CSMD1: variants seen among roughly 807,000 people sequenced by gnomAD.
CSMD1 encodes CUB and sushi domain-containing protein 1.
A neutral mutation model predicts 417.5 loss-of-function variants in CSMD1; 213 were observed. That is an observed-to-expected ratio of 0.51 (90% CI 0.46 to 0.57). The LOEUF (loss-of-function observed/expected upper bound fraction) is 0.57, where lower values mean the gene tolerates loss of function less well. CSMD1 is among the 20% of genes least tolerant of loss of function. The pLI is 0.00. For missense variants in CSMD1, 6,923 were observed against 4,529.7 expected (o/e 1.53, Z -15.17); for synonymous variants, 2,862 against 1,736.8 (o/e 1.65, Z -16.11).
intron 1 of CSMD1, among the ~76,000 whole-genome samples, chr8:4,730,507 G>A (rs547374104): frequency 2.6e-5 from 4 of 152,230 alleles, no homozygotes; most frequent in African/African-American, 4.8e-5. Context: ...TTGGGAGGCT[G>A]AGGCAGGCGG....
intron 3 of CSMD1, among the ~76,000 whole-genome samples, chr8:4,081,516 G>T (rs1800131898): frequency 1.3e-5 from 2 of 152,108 alleles, no homozygotes; most frequent in South Asian, 4.1e-4. Context: ...AGGAACTGGG[G>T]TCCCCCTACC....
chr8:4,232,556 C>T (rs1371130006), intron 3 of CSMD1, among the ~76,000 whole-genome samples: 1 of 152,176 alleles, frequency 6.6e-6, no homozygotes, highest in Admixed American at 6.6e-5. Flanking sequence ...GGCTTTTCTC[C>T]ACTCAAAAAT....
rs184677632 is a variant in CSMD1, at chr8:4,910,560, G to A, written c.85+83772C>T. ...GAATCTCTGAAGCTTTTTTATAGACGCTAATTCCATTCATGAAAGCTCCCT... is the reference window on the plus strand; with the variant it reads ...GAATCTCTGAAGCTTTTTTATAGACACTAATTCCATTCATGAAAGCTCCCT... On this transcript the variant is annotated intron_variant, in intron 1 of 69. Coordinates refer to ENST00000635120, the MANE Select transcript of CSMD1 (RefSeq NM_033225.6). 1.1e-3 allele frequency among the ~76,000 whole-genome samples: 164 copies of A among 152,150 alleles called. 2 individuals carry two copies. In the East Asian group the frequency reaches 0.012, roughly 11 times the overall value.
At chr8:3,457,691 G>T (rs946376754) in intron 12 of CSMD1, among the ~76,000 whole-genome samples, 1 of 152,160 alleles carries the variant, frequency 6.6e-6, no homozygotes, top group Admixed American at 6.6e-5. Flanking sequence ...AAAGACTCTT[G>T]TTGAGATCAT....
chr8:4,699,608 G>C (rs569406127), intron 1 of CSMD1, among the ~76,000 whole-genome samples: 4 of 152,188 alleles, frequency 2.6e-5, no homozygotes, highest in South Asian at 2.1e-4. Context: ...AGAGCTCTTG[G>C]CATTTATTTG....
chr8:4,282,300 AGG>A (rs1796829137), intron 3 of CSMD1, among the ~76,000 whole-genome samples: 1 of 152,210 alleles, frequency 6.6e-6, no homozygotes, highest in South Asian at 2.1e-4. Context: ...GATGAAGCTC[AGG>A]AACACTGGAG....
intron 3 of CSMD1, among the ~76,000 whole-genome samples, chr8:4,061,162 G>T (rs1488268452): frequency 6.6e-6 from 1 of 152,136 alleles, no homozygotes; most frequent in African/African-American, 2.4e-5. Flanking sequence ...TGCCCCTTAC[G>T]ATGGAAAATC....
rs187387000 is a variant in CSMD1 at position 3,203,230 on chromosome 8, A to G, written c.4985-1505T>C. 2.4e-3 allele frequency among the ~76,000 whole-genome samples: 369 copies of G among 152,324 alleles called. 1 individual carries two copies. The highest frequency in any genetic ancestry group is 3.1e-3 in the Non-Finnish European group (212 of 68,032). On this transcript the variant is annotated intron_variant, in intron 31 of 69. Coordinates refer to ENST00000635120, the MANE Select transcript of CSMD1 (RefSeq NM_033225.6). Reference sequence around the variant, plus strand: ...CAAGACAAACATGGATTTTGAGTACAAGATGTCAGGAGCCAGAATGCCCAG... The same window carrying G: ...CAAGACAAACATGGATTTTGAGTACGAGATGTCAGGAGCCAGAATGCCCAG...
intron 10 of CSMD1, among the ~76,000 whole-genome samples, chr8:3,532,116 T>C (rs1339275751): frequency 6.6e-6 from 1 of 152,204 alleles, no homozygotes; most frequent in Admixed American, 6.5e-5. Context: ...GGCAACATTT[T>C]TTTTCTGGGA....
intron 6 of CSMD1, among the ~76,000 whole-genome samples, chr8:3,735,217 A>T (rs1796470825): frequency 6.6e-6 from 1 of 152,156 alleles, no homozygotes; most frequent in Admixed American, 6.5e-5. Context: ...CTGGCTCCTT[A>T]ATGGCTTTCT....
At chr8:3,504,654 A>C (rs903107518) in intron 10 of CSMD1, among the ~76,000 whole-genome samples, 2 of 152,140 alleles carry the variant, frequency 1.3e-5, no homozygotes, top group Admixed American at 1.3e-4. Context: ...TTCTAACTCC[A>C]ATTTTATCTA....
chr8:4,912,122 C>CAAAAAAAAAAA (rs36194482), intron 1 of CSMD1, among the ~76,000 whole-genome samples: 2 of 84,576 alleles, frequency 2.4e-5, no homozygotes, highest in African/African-American at 4.0e-5. Flanking sequence ...AACATAGCTT[C>CAAAAAAAAAAA]AAAAAAAAAA....
At chr8:4,449,723 G>A (rs1042436980) in intron 2 of CSMD1, among the ~76,000 whole-genome samples, 3 of 152,144 alleles carry the variant, frequency 2.0e-5, no homozygotes, top group African/African-American at 7.2e-5. Flanking sequence ...AGAAATGCCA[G>A]AATAGGGTCG....
intron 2 of CSMD1, among the ~76,000 whole-genome samples, chr8:4,564,109 T>C (rs1420567422): frequency 1.3e-5 from 2 of 152,154 alleles, no homozygotes; most frequent in African/African-American, 4.8e-5. Context: ...GAGATAATGG[T>C]CTTCCAATAT....
rs528576787 is a variant in CSMD1 at position 3,795,787 on chromosome 8, A to C, written c.819-41745T>G. On this transcript the variant is annotated intron_variant, in intron 5 of 69. Transcript: ENST00000635120. The stretch of plus-strand genomic sequence containing the variant: ...AGCTATAGATACCTATCATGTACAG[A>C]TATAGATATATACCTATCATGTACA... Among the ~76,000 whole-genome samples, 65 of 73,648 alleles carry C rather than the reference A, an allele frequency of 8.8e-4. 18 individuals are homozygous for C. Among genetic ancestry groups the C allele is most frequent in the Non-Finnish European group, 1.3e-3 (42 of 33,508 alleles). The allele number at this position is 73,648 out of a possible 152,430, so 48.3% of individuals were successfully genotyped here.
At chr8:3,000,455 C>G (rs1053028902) in intron 52 of CSMD1, among the ~76,000 whole-genome samples, 3 of 151,794 alleles carry the variant, frequency 2.0e-5, no homozygotes, top group African/African-American at 7.3e-5. Flanking sequence ...CAAAACAAAG[C>G]AAAAAGTAAA....
At chr8:4,326,632 G>C (rs1005361770) in intron 3 of CSMD1, among the ~76,000 whole-genome samples, 4 of 152,078 alleles carry the variant, frequency 2.6e-5, no homozygotes, top group East Asian at 1.9e-4. Flanking sequence ...AGAACATATA[G>C]GATAAAAGCA....
At chr8:4,645,177 G>A (rs996183234) in intron 1 of CSMD1, among the ~76,000 whole-genome samples, 1 of 151,980 alleles carries the variant, frequency 6.6e-6, no homozygotes, top group Non-Finnish European at 1.5e-5. Context: ...TGTTCCTATG[G>A]ACGTTGGCAT....
intron 1 of CSMD1, among the ~76,000 whole-genome samples, chr8:4,713,553 C>A (rs545272463): frequency 6.6e-6 from 1 of 152,262 alleles, no homozygotes; most frequent in South Asian, 2.1e-4. Flanking sequence ...AGGCGGCTGC[C>A]ACCACGCCTA....
Sources: gnomAD v4.1 joint callset for allele counts (sites outside exome capture counted in the v4.1 genomes callset) on GRCh38, gnomAD v4.1.1 for gene constraint, MANE v1.5 for transcripts, NCBI Gene and HGNC (gene_info 2026-07-23, HGNC 2026-07-21) for gene names.